SHISAL2B: variants seen among roughly 807,000 people sequenced by gnomAD.
The protein encoded by SHISAL2B is shisa like 2B, also known as protein shisa-like-2B.
In SHISAL2B, 12 loss-of-function variants were observed where a neutral mutation model predicts 16.5. The ratio of observed to expected loss-of-function variants is 0.73; its 90% confidence interval spans 0.47 to 1.18. The LOEUF (loss-of-function observed/expected upper bound fraction) is 1.18. SHISAL2B is among the 50% of genes most tolerant of loss of function. SHISAL2B has a pLI of 0.00. For synonymous variants in SHISAL2B, 72 were observed against 75.0 expected, an observed-to-expected ratio of 0.96 and a Z score of 0.21; for missense variants, 183 against 193.6, an observed-to-expected ratio of 0.95 and a Z score of 0.33.
intron 2 of SHISAL2B, among the ~76,000 whole-genome samples, chr5:64,715,292 A>G (rs970959016): frequency 1.3e-5 from 2 of 149,396 alleles, no homozygotes; most frequent in African/African-American, 4.9e-5. Flanking sequence ...AGATTCACCA[A>G]AAAAAAAAAA....
At chr5:64,703,154 A>C (rs7709615) in intron 2 of SHISAL2B, among the ~76,000 whole-genome samples, 8,821 of 152,278 alleles carry the variant, frequency 0.058, 875 homozygotes, top group African/African-American at 0.2. Flanking sequence ...TAAATTTATA[A>C]AGAAGTTGGG....
At chr5:64,695,874 A>G (rs893661384) in intron 2 of SHISAL2B, among the ~76,000 whole-genome samples, 1 of 152,262 alleles carries the variant, frequency 6.6e-6, no homozygotes, top group African/African-American at 2.4e-5. Context: ...GGATGTAATT[A>G]TTCTCATGAA....
At chr5:64,692,792 C>A (rs1453456363) in intron 1 of SHISAL2B, among the ~76,000 whole-genome samples, 1 of 152,164 alleles carries the variant, frequency 6.6e-6, no homozygotes, top group Non-Finnish European at 1.5e-5. Flanking sequence ...TGTCTGGCCC[C>A]TTCCCATCTT....
chr5:64,692,083 C>T (rs767318959), intron 1 of SHISAL2B, among the ~76,000 whole-genome samples: 1 of 152,116 alleles, frequency 6.6e-6, no homozygotes, highest in South Asian at 2.1e-4. Context: ...GGCAAAATGT[C>T]AGAAAATAAT....
rs534349002 is a variant in SHISAL2B at position 64,702,056 on chromosome 5, A to G, written c.349+6392A>G. 1.6e-4 allele frequency among the ~76,000 whole-genome samples: 25 copies of G among 152,316 alleles called. 1 individual carries two copies. In the South Asian group the frequency reaches 5.2e-3, roughly 32 times the overall value. ...TTGTGGTTTCTCCTTTTGGTTTCAC[A>G]CTTAGAAAGTTTTCCCCTCACCAAA... On this transcript the variant is annotated intron_variant, in intron 2 of 2. Transcript: ENST00000389074.
intron 2 of SHISAL2B, among the ~76,000 whole-genome samples, chr5:64,715,092 A>T (rs988690658): frequency 4.6e-5 from 7 of 152,262 alleles, no homozygotes; most frequent in Non-Finnish European, 2.9e-5. Flanking sequence ...ACTTGTAAAT[A>T]ATATTGTCCT....
intron 2 of SHISAL2B, 75 bp from the exon 3 acceptor site, chr5:64,717,814 A>G (rs1742078239): frequency 3.8e-6 from 5 of 1,316,382 alleles, no homozygotes; most frequent in South Asian, 1.4e-5. Flanking sequence ...TACAAAAATT[A>G]TTTTTAAGTG....
intron 2 of SHISAL2B, among the ~76,000 whole-genome samples, chr5:64,704,622 TA>T (rs1741851839): frequency 6.6e-6 from 1 of 152,116 alleles, no homozygotes; most frequent in African/African-American, 2.4e-5. Context: ...ATAAATTAAA[TA>T]AGAAAAAATT....
chr5:64,717,164 C>G (rs562035845), intron 2 of SHISAL2B, among the ~76,000 whole-genome samples: 6 of 152,212 alleles, frequency 3.9e-5, no homozygotes, highest in African/African-American at 1.4e-4. Flanking sequence ...TCAACTGCTG[C>G]TAAGAAATCA....
At chr5:64,700,535 C>T (rs564285549) in intron 2 of SHISAL2B, among the ~76,000 whole-genome samples, 2 of 152,220 alleles carry the variant, frequency 1.3e-5, no homozygotes, top group South Asian at 2.1e-4. Context: ...CTCAGCCTCC[C>T]GAGTAGCTGA....
intron 1 of SHISAL2B, among the ~76,000 whole-genome samples, chr5:64,693,791 T>G (rs1741688583): frequency 1.3e-5 from 2 of 152,132 alleles, no homozygotes; most frequent in Non-Finnish European, 2.9e-5. Flanking sequence ...GAAATATAAC[T>G]CTACAGTGAG....
chr5:64,712,534 T>A (rs1741974365), intron 2 of SHISAL2B, among the ~76,000 whole-genome samples: 2 of 150,678 alleles, frequency 1.3e-5, no homozygotes, highest in African/African-American at 2.4e-5. Context: ...GGGTGGAGAG[T>A]TCTGTAGATG....
intron 2 of SHISAL2B, among the ~76,000 whole-genome samples, chr5:64,697,472 C>G (rs1278414183): frequency 6.6e-6 from 1 of 152,084 alleles, no homozygotes; most frequent in Non-Finnish European, 1.5e-5. Flanking sequence ...TCTCAAACAT[C>G]AAGTGTTATA....
chr5:64,698,030 C>T (rs1741762839), intron 2 of SHISAL2B, among the ~76,000 whole-genome samples: 1 of 152,176 alleles, frequency 6.6e-6, no homozygotes, highest in African/African-American at 2.4e-5. Context: ...AGGTTGTTAG[C>T]TGAATTTAGT....
intron 1 of SHISAL2B, among the ~76,000 whole-genome samples, chr5:64,693,536 T>G (rs1052246700): frequency 3.3e-5 from 5 of 152,218 alleles, no homozygotes; most frequent in Non-Finnish European, 7.3e-5. Flanking sequence ...ATTTTTACCT[T>G]GAAGATTTTT....
intron 2 of SHISAL2B, among the ~76,000 whole-genome samples, chr5:64,702,889 T>C (rs1741828746): frequency 6.6e-6 from 1 of 152,224 alleles, no homozygotes; most frequent in Non-Finnish European, 1.5e-5. Context: ...ATATATATTG[T>C]GGTCTGTTTT....
At chr5:64,706,172 A>G (rs1320101120) in intron 2 of SHISAL2B, among the ~76,000 whole-genome samples, 1 of 152,212 alleles carries the variant, frequency 6.6e-6, no homozygotes, top group Non-Finnish European at 1.5e-5. Context: ...CACACAAACA[A>G]AATGTGTAAG....
chr5:64,717,352 C>A (rs1486493513), intron 2 of SHISAL2B, among the ~76,000 whole-genome samples: 1 of 152,170 alleles, frequency 6.6e-6, no homozygotes, highest in Non-Finnish European at 1.5e-5. Context: ...TAATCCATTT[C>A]TTTGCTATGT....
At chr5:64,708,299 A>C (rs912176767) in intron 2 of SHISAL2B, among the ~76,000 whole-genome samples, 3 of 152,142 alleles carry the variant, frequency 2.0e-5, no homozygotes, top group Admixed American at 6.6e-5. Flanking sequence ...ATAGCAAAAA[A>C]TTAATGAGGA....
Sources: allele counts gnomAD v4.1 joint callset (sites outside exome capture counted in the v4.1 genomes callset), GRCh38; gene constraint gnomAD v4.1.1; transcripts MANE v1.5; gene names NCBI Gene and HGNC (gene_info 2026-07-23, HGNC 2026-07-21).